Variants in ZNF737 observed in about 807,000 individuals in gnomAD.
ZNF737 encodes zinc finger protein 102 (Y3).
In ZNF737, 13 loss-of-function variants were observed where a neutral mutation model predicts 11.7. That is an observed-to-expected ratio of 1.11 (90% confidence interval 0.73 to 1.77). The LOEUF (loss-of-function observed/expected upper bound fraction) is 1.77. Among genes scored for constraint, ZNF737 ranks in the 40% most tolerant of loss-of-function variants. The pLI, the probability that ZNF737 is intolerant of heterozygous loss-of-function variation, is 0.00. For missense variants in ZNF737, 636 were observed against 638.0 expected, an observed-to-expected ratio of 1.00 and a Z score of 0.03; for synonymous variants, 217 against 216.2, an observed-to-expected ratio of 1.00 and a Z score of -0.03.
In ZNF737 at chr19:20,544,095, T is replaced by C; in HGVS notation, c.*497A>G. The C allele has an allele frequency of 1.0e-6, 1 of 979,262 alleles. No individual in the cohort carries two copies. Among genetic ancestry groups the C allele is most frequent in the South Asian group, 4.3e-5 (1 of 23,286 alleles). 60.7% of individuals were successfully genotyped at this position (979,262 alleles called of 1,614,324 possible). A position where few individuals can be genotyped will look rare whatever the true frequency, so the allele number is the denominator to read the frequency against. On this transcript the variant is annotated 3_prime_UTR_variant, in exon 4 of 4. Coordinates refer to ENST00000427401, the MANE Select transcript of ZNF737 (RefSeq NM_001159293.2). The stretch of plus-strand genomic sequence containing the variant: ...GTGAGCCGAGATCATGGCACTGTAC[T>C]CCAGCTTGGATGACAAGCATGAAAC...
chr19:20,533,577 T>C (rs1967881413), downstream of ZNF737, among the ~76,000 whole-genome samples: 1 of 150,162 alleles, frequency 6.7e-6, no homozygotes, highest in Non-Finnish European at 1.5e-5. Flanking sequence ...AATTGCCTTC[T>C]GTTTTGCTCA....
chr19:20,547,862 T>C (rs918100974), intron 3 of ZNF737, among the ~76,000 whole-genome samples: 8 of 152,038 alleles, frequency 5.3e-5, no homozygotes, highest in Non-Finnish European at 1.0e-4. Flanking sequence ...CCAAAATATG[T>C]AACACAGGCC....
Position 20,540,171 on chromosome 19 carries a change from G to A in ZNF737, c.*4421C>T. 1 of 985,268 alleles carries A rather than the reference G, an allele frequency of 1.0e-6. No homozygotes were observed. The highest frequency in any genetic ancestry group is 1.2e-6 in the Non-Finnish European group (1 of 829,832). The allele number at this position is 985,268 out of a possible 1,614,324, so 61.0% of individuals were successfully genotyped here. A position where few individuals can be genotyped will look rare whatever the true frequency, so the allele number is the denominator to read the frequency against. ...TCCCGCCATGTGGCCACCATAAGCA[G>A]CTTACAACATGTTCTACCTAGAAGT... On this transcript the variant is annotated 3_prime_UTR_variant, in exon 4 of 4. Transcript: ENST00000427401.
chr19:20,531,165 C>T (rs551277130), downstream of ZNF737, among the ~76,000 whole-genome samples: 1 of 142,722 alleles, frequency 7.0e-6, no homozygotes, highest in Non-Finnish European at 1.5e-5. Context: ...TGCAGTGAGC[C>T]GAGATGGCAG....
rs560274936 is a variant in ZNF737, at chr19:20,560,892, GAAC to G, written c.3+4743_3+4745del. On this transcript the variant is annotated intron_variant, in intron 1 of 3. Coordinates refer to ENST00000427401, the MANE Select transcript of ZNF737 (RefSeq NM_001159293.2). ...TAAGAACACACAAACACAAAGAGGA[GAAC>G]AACAGACGCTGCGGCCTAGTTGAGG... is the stretch of plus-strand genomic sequence containing the variant. 5.3e-5 allele frequency among the ~76,000 whole-genome samples: 8 copies of G among 152,290 alleles called. No individual in the cohort carries two copies. In the East Asian group the frequency reaches 7.7e-4, roughly 15 times the overall value.
chr19:20,565,551 C>T (rs1969266073), intron 1 of ZNF737, 87 bp downstream of exon 1: 3 of 1,603,606 alleles, frequency 1.9e-6, no homozygotes, highest in Non-Finnish European at 2.6e-6. Context: ...GCTGACTGCG[C>T]AGAGGCCTGA....
rs1416696941 is a variant in ZNF737, at chr19:20,541,219, AG to A, written c.*3372del. On this transcript the variant is annotated 3_prime_UTR_variant, in exon 4 of 4. Coordinates refer to ENST00000427401, the MANE Select transcript of ZNF737 (RefSeq NM_001159293.2). ...TAAATAACATAATTTGTTTTGTTGC[AG>A]TAATTGCTTTTATTCTGAAAATATG... The A allele has an allele frequency of 3.0e-6, 3 of 983,686 alleles. No individual in the cohort carries two copies. In the African/African-American group the frequency reaches 5.2e-5, roughly 17 times the overall value. The allele number at this position is 983,686 out of a possible 1,614,324, so 60.9% of individuals were successfully genotyped here.
In ZNF737 at chr19:20,542,885, CATT is replaced by C. The variant is rs1555755440; in HGVS notation, c.*1704_*1706del. On this transcript the variant is annotated 3_prime_UTR_variant, in exon 4 of 4. Coordinates refer to ENST00000427401, the MANE Select transcript of ZNF737 (RefSeq NM_001159293.2). ...GCATAATTTGAAAGCTGTATTACATCATTATTCAGCTTTCAAAAAATTTTATTC... is the reference window on the plus strand; with the variant it reads ...GCATAATTTGAAAGCTGTATTACATCATTCAGCTTTCAAAAAATTTTATTC... 22 of 984,912 alleles carry C rather than the reference CATT, an allele frequency of 2.2e-5. No individual in the cohort carries two copies. The highest frequency in any genetic ancestry group is 3.5e-5 in the African/African-American group (2 of 57,226). The allele number at this position is 984,912 out of a possible 1,614,324, so 61.0% of individuals were successfully genotyped here. A position where few individuals can be genotyped will look rare whatever the true frequency, so the allele number is the denominator to read the frequency against.
intron 1 of ZNF737, among the ~76,000 whole-genome samples, chr19:20,565,380 C>A (rs1568439380): frequency 1.3e-5 from 2 of 151,226 alleles, no homozygotes; most frequent in East Asian, 2.0e-4. Context: ...CGGGAGGCTG[C>A]GGTTGCAGAG....
At position 20,539,981 on chromosome 19, in the gene ZNF737, A is replaced by T. The variant is rs138165402; in HGVS notation, c.*4611T>A. The T allele has an allele frequency of 0.054, 53,367 of 982,408 alleles. 1,571 individuals are homozygous for T. The highest frequency in any genetic ancestry group is 0.13 in the Middle Eastern group (243 of 1,900). 60.9% of individuals were successfully genotyped at this position (982,408 alleles called of 1,614,324 possible). A position where few individuals can be genotyped will look rare whatever the true frequency, so the allele number is the denominator to read the frequency against. On this transcript the variant is annotated 3_prime_UTR_variant, in exon 4 of 4. Transcript: ENST00000427401. ...TACCTTTTTCCTCCCATTAATGTGG[A>T]CCTGTTGTGGTCTCCTGTTTCTCTT...
chr19:20,558,114 T>TA (rs1239505728), intron 1 of ZNF737, among the ~76,000 whole-genome samples: 8 of 150,516 alleles, frequency 5.3e-5, no homozygotes, highest in Non-Finnish European at 8.9e-5. Context: ...ATACAAAGAT[T>TA]AAAAAAAAGA....
intron 2 of ZNF737, among the ~76,000 whole-genome samples, chr19:20,552,780 A>G (rs1430374120): frequency 6.6e-6 from 1 of 152,024 alleles, no homozygotes; most frequent in Non-Finnish European, 1.5e-5. Flanking sequence ...TTGGGAGGCC[A>G]AGGTGGGTGA....
In ZNF737 at chr19:20,543,846, G is replaced by C; in HGVS notation, c.*746C>G. On this transcript the variant is annotated 3_prime_UTR_variant, in exon 4 of 4. Transcript: ENST00000427401. ...TGCCTCTTAAGAATTGAGAACTTGT[G>C]GCTGGGCGTCGTGGCTCACGCCTGT... is the stretch of plus-strand genomic sequence containing the variant. 4 of 985,384 alleles carry C rather than the reference G, an allele frequency of 4.1e-6. No homozygotes were observed. The highest frequency in any genetic ancestry group is 4.8e-6 in the Non-Finnish European group (4 of 829,944). 61.0% of individuals were successfully genotyped at this position (985,384 alleles called of 1,614,324 possible). A position where few individuals can be genotyped will look rare whatever the true frequency, so the allele number is the denominator to read the frequency against.
downstream of ZNF737, among the ~76,000 whole-genome samples, chr19:20,532,359 C>T (rs571896906): frequency 2.3e-4 from 34 of 149,928 alleles, 2 homozygotes; most frequent in Middle Eastern, 0.029. Flanking sequence ...GTCATCTGAC[C>T]TACTTTATTT....
Position 20,545,216 on chromosome 19 carries a change from A to C in ZNF737, c.987T>G (p.Thr329=). Residue 329 remains threonine (T), a synonymous_variant, in exon 4 of 4, where the codon ACT becomes ACG. Transcript: ENST00000427401. ...GKAFKHPSVL[T]THKRIHTGEK... Reference sequence around the variant, plus strand: ...CTCCAGTATGAATTCTTTTATGTGTAGTAAGGACAGAGGGGTGCTTAAAGG... The same window carrying C: ...CTCCAGTATGAATTCTTTTATGTGTCGTAAGGACAGAGGGGTGCTTAAAGG... 1 of 1,613,970 alleles carries C rather than the reference A, an allele frequency of 6.2e-7. No homozygotes were observed. Among genetic ancestry groups the C allele is most frequent in the Non-Finnish European group, 8.5e-7 (1 of 1,179,994 alleles).
rs553818509 is a variant in ZNF737 at position 20,544,403 on chromosome 19, G to A, written c.*189C>T. On this transcript the variant is annotated 3_prime_UTR_variant, in exon 4 of 4. Transcript: ENST00000427401. ...TAGTAAGGGCAGAGGTGTCCTTAAA[G>A]GCTTTGCTGCATTTTCTTATTTGTT... The A allele has an allele frequency of 5.6e-6, 8 of 1,438,562 alleles. No homozygotes were observed. The African/African-American group carries it at 1.1e-4, about 21-fold the overall frequency. 89.1% of individuals were successfully genotyped at this position (1,438,562 alleles called of 1,614,324 possible). A position where few individuals can be genotyped will look rare whatever the true frequency, so the allele number is the denominator to read the frequency against.
chr19:20,561,668 C>T (rs1210029217), intron 1 of ZNF737, among the ~76,000 whole-genome samples: 1 of 151,902 alleles, frequency 6.6e-6, no homozygotes, highest in Non-Finnish European at 1.5e-5. Flanking sequence ...AATTCTCCAA[C>T]ACCAACTCAT....
At chr19:20,564,938 AT>A (rs33965622) in intron 1 of ZNF737, among the ~76,000 whole-genome samples, 13,257 of 141,438 alleles carry the variant, frequency 0.094, 671 homozygotes, top group Non-Finnish European at 0.12. Flanking sequence ...ATAACCAGGA[AT>A]TTTTTTTTTT....
In ZNF737 at chr19:20,541,205, ATTTG is replaced by A. The variant is rs1300110477; in HGVS notation, c.*3383_*3386del. The A allele has an allele frequency of 1.0e-6, 1 of 983,342 alleles. No homozygotes were observed. Among genetic ancestry groups the A allele is most frequent in the Non-Finnish European group, 1.2e-6 (1 of 828,126 alleles). 60.9% of individuals were successfully genotyped at this position (983,342 alleles called of 1,614,324 possible). A position where few individuals can be genotyped will look rare whatever the true frequency, so the allele number is the denominator to read the frequency against. On this transcript the variant is annotated 3_prime_UTR_variant, in exon 4 of 4. Coordinates refer to ENST00000427401, the MANE Select transcript of ZNF737 (RefSeq NM_001159293.2). The stretch of plus-strand genomic sequence containing the variant: ...TTTTGTTAATCACCTAAATAACATA[ATTTG>A]TTTTGTTGCAGTAATTGCTTTTATT...
Sources: gnomAD v4.1 joint callset for allele counts (sites outside exome capture counted in the v4.1 genomes callset) on GRCh38, gnomAD v4.1.1 for gene constraint, MANE v1.5 for transcripts, NCBI Gene and HGNC (gene_info 2026-07-23, HGNC 2026-07-21) for gene names.